The following NELL1 variants were observed in gnomAD, a reference collection of about 807,000 sequenced individuals.
NELL1 encodes protein kinase C-binding protein NELL1.
Under a neutral mutation model 107.4 loss-of-function variants are expected in NELL1, and 76 were observed. The ratio of observed to expected loss-of-function variants is 0.71; its 90% CI spans 0.59 to 0.86. The LOEUF is 0.86. Ranked by LOEUF, NELL1 falls within the 40% of genes least tolerant of loss-of-function variation. The pLI, the probability that NELL1 is intolerant of heterozygous loss-of-function variation, is 0.00. For synonymous variants in NELL1, 353 were observed against 341.2 expected (o/e 1.03, Z -0.38); for missense variants, 1,024 against 1,005.5 (o/e 1.02, Z -0.25).
intron 2 of NELL1, among the ~76,000 whole-genome samples, chr11:20,779,459 T>G (rs1564905820): frequency 6.6e-6 from 1 of 152,226 alleles, no homozygotes; most frequent in African/African-American, 2.4e-5. Flanking sequence ...TCCCATTTGT[T>G]TTTCCTGTTA....
intron 15 of NELL1, among the ~76,000 whole-genome samples, chr11:21,477,906 T>C (rs1313866441): frequency 2.7e-5 from 2 of 73,390 alleles, no homozygotes; most frequent in African/African-American, 1.1e-4. Flanking sequence ...ATAAAAATTA[T>C]AAGAAATTAT....
intron 9 of NELL1, among the ~76,000 whole-genome samples, chr11:20,932,073 G>A (rs751257241): frequency 1.3e-5 from 2 of 152,098 alleles, no homozygotes; most frequent in African/African-American, 2.4e-5. Flanking sequence ...CATCCATGGC[G>A]GTACCGAAAA....
chr11:21,363,771 T>C (rs1851143878), intron 14 of NELL1, among the ~76,000 whole-genome samples: 2 of 152,218 alleles, frequency 1.3e-5, no homozygotes, highest in South Asian at 2.1e-4. Context: ...TACATGTTTA[T>C]TATCACACAG....
At chr11:20,786,744 T>C (rs577289547) in intron 3 of NELL1, among the ~76,000 whole-genome samples, 157 of 151,918 alleles carry the variant, frequency 1.0e-3, no homozygotes, top group South Asian at 3.8e-3. Flanking sequence ...CGCGGTGGTT[T>C]ACACCTGTAA....
intron 3 of NELL1, among the ~76,000 whole-genome samples, chr11:20,799,162 A>G (rs1297101563): frequency 6.6e-6 from 1 of 152,240 alleles, no homozygotes; most frequent in Non-Finnish European, 1.5e-5. Flanking sequence ...TGAGACAGTA[A>G]GTACAAAGAC....
intron 2 of NELL1, among the ~76,000 whole-genome samples, chr11:20,689,684 A>G: frequency 1.3e-5 from 2 of 148,188 alleles, no homozygotes; most frequent in South Asian, 4.3e-4. Flanking sequence ...CCAGTCTATC[A>G]TTGTTGGACA....
intron 12 of NELL1, among the ~76,000 whole-genome samples, chr11:21,072,657 A>G (rs1303002961): frequency 6.6e-6 from 1 of 152,214 alleles, no homozygotes; most frequent in Non-Finnish European, 1.5e-5. Flanking sequence ...GCAAAGATTT[A>G]TACAGAGAAG....
chr11:20,871,474 G>GTA (rs1554935422), intron 4 of NELL1, among the ~76,000 whole-genome samples: 1 of 152,012 alleles, frequency 6.6e-6, no homozygotes, highest in East Asian at 1.9e-4. Flanking sequence ...ATCTATCTAT[G>GTA]TATCTATCTA....
intron 15 of NELL1, among the ~76,000 whole-genome samples, chr11:21,445,745 G>A (rs1055779422): frequency 2.0e-5 from 3 of 152,082 alleles, no homozygotes; most frequent in Non-Finnish European, 4.4e-5. Flanking sequence ...TGGTGTTGCT[G>A]GTGTTTTCAG....
At chr11:20,857,224 A>G (rs1848898665) in intron 4 of NELL1, among the ~76,000 whole-genome samples, 1 of 152,134 alleles carries the variant, frequency 6.6e-6, no homozygotes, top group African/African-American at 2.4e-5. Context: ...GAACCAGAGC[A>G]GGCAGCCGAG....
At chr11:21,251,615 A>G (rs547928962) in intron 14 of NELL1, among the ~76,000 whole-genome samples, 1 of 152,032 alleles carries the variant, frequency 6.6e-6, no homozygotes, top group South Asian at 2.1e-4. Context: ...CCAGGTAGGA[A>G]TATTTAGGGA....
At chr11:21,247,471 A>C (rs1328128896) in intron 14 of NELL1, among the ~76,000 whole-genome samples, 1 of 152,040 alleles carries the variant, frequency 6.6e-6, no homozygotes, top group African/African-American at 2.4e-5. Context: ...TGAAGACAAA[A>C]ACACACACAT....
chr11:21,431,337 C>A (rs1009662703), intron 15 of NELL1, among the ~76,000 whole-genome samples: 2 of 152,236 alleles, frequency 1.3e-5, no homozygotes, highest in Admixed American at 6.5e-5. Context: ...AGTTCTATAT[C>A]ATCTATTTAT....
At chr11:21,481,681 C>T (rs1289433841) in intron 15 of NELL1, among the ~76,000 whole-genome samples, 3 of 152,200 alleles carry the variant, frequency 2.0e-5, no homozygotes, top group African/African-American at 7.2e-5. Flanking sequence ...ATTGTTGAGA[C>T]TGCTGTGCCT....
intron 16 of NELL1, among the ~76,000 whole-genome samples, chr11:21,547,856 T>C (rs1856481565): frequency 6.6e-6 from 1 of 151,914 alleles, no homozygotes; most frequent in African/African-American, 2.4e-5. Flanking sequence ...GAGGTCTGAA[T>C]TTTCTCATTG....
intron 2 of NELL1, among the ~76,000 whole-genome samples, chr11:20,731,082 A>G (rs1207362624): frequency 4.3e-5 from 2 of 46,262 alleles, no homozygotes; most frequent in Non-Finnish European, 1.1e-4. Flanking sequence ...ATGAGTCAGG[A>G]TTCTATGATA....
chr11:20,949,450 G>T (rs1851030044), intron 11 of NELL1, among the ~76,000 whole-genome samples: 1 of 152,170 alleles, frequency 6.6e-6, no homozygotes, highest in Admixed American at 6.5e-5. Flanking sequence ...TCAGAGTGAT[G>T]CATTTATTGG....
intron 3 of NELL1, among the ~76,000 whole-genome samples, chr11:20,816,156 A>C (rs1316928557): frequency 1.3e-5 from 2 of 152,044 alleles, no homozygotes; most frequent in Non-Finnish European, 2.9e-5. Context: ...GTTCCATATG[A>C]ATTTTAGTAA....
At chr11:20,792,934 A>T (rs1857102763) in intron 3 of NELL1, among the ~76,000 whole-genome samples, 1 of 151,630 alleles carries the variant, frequency 6.6e-6, no homozygotes, top group Non-Finnish European at 1.5e-5. Context: ...AGGCTTTTTG[A>T]ATTTTTTATG....
Sources: gnomAD v4.1 joint callset for allele counts (sites outside exome capture counted in the v4.1 genomes callset) on GRCh38, gnomAD v4.1.1 for gene constraint, MANE v1.5 for transcripts, NCBI Gene and HGNC (gene_info 2026-07-23, HGNC 2026-07-21) for gene names.